FRMPD4: variants seen among roughly 807,000 people sequenced by gnomAD.
FRMPD4 encodes FERM and PDZ domain containing 4, also known as FERM and PDZ domain-containing protein 4.
A neutral mutation model predicts 94.1 loss-of-function variants in FRMPD4; 22 were observed. That is an observed-to-expected ratio of 0.23 (90% CI 0.17 to 0.33). The LOEUF (loss-of-function observed/expected upper bound fraction) is 0.33, where lower values mean the gene tolerates loss of function less well. Among genes scored for constraint, FRMPD4 ranks in the 10% least tolerant of loss-of-function variants. The pLI, the probability that FRMPD4 is intolerant of heterozygous loss-of-function variation, is 1.00. For missense variants in FRMPD4, 1,111 were observed against 1,339.9 expected (o/e 0.83, Z 2.67); for synonymous variants, 631 against 548.6 (o/e 1.15, Z -2.10).
intron 1 of FRMPD4, among the ~76,000 whole-genome samples, chrX:11,828,986 T>A (rs1396392459): frequency 1.8e-5 from 2 of 112,171 alleles, no homozygotes; most frequent in African/African-American, 6.5e-5. Flanking sequence ...TCAGTTGGAA[T>A]CTGAAGGCAG....
intron 3 of FRMPD4, among the ~76,000 whole-genome samples, chrX:12,076,943 C>A (rs2055024340): frequency 8.9e-6 from 1 of 111,923 alleles, no homozygotes; most frequent in Admixed American, 9.4e-5. Context: ...TATTTTAATA[C>A]CATTTCCAAA....
At chrX:11,870,996 T>A (rs1188709854) in intron 2 of FRMPD4, among the ~76,000 whole-genome samples, 1 of 112,425 alleles carries the variant, frequency 8.9e-6, no homozygotes, top group Non-Finnish European at 1.9e-5. Flanking sequence ...CTGTTTGTAT[T>A]CCCTAGGTAC....
At chrX:12,609,622 C>T in intron 2 of FRMPD4, 99 bp from the exon 3 acceptor site, 1 of 756,442 alleles carries the variant, frequency 1.3e-6, no homozygotes. Context: ...CACTCTCTAC[C>T]AAAAAACAGG....
chrX:12,456,584 T>C (rs1353563534), intron 1 of FRMPD4, among the ~76,000 whole-genome samples: 1 of 112,206 alleles, frequency 8.9e-6, no homozygotes, highest in Non-Finnish European at 1.9e-5. Flanking sequence ...AGATACCTTC[T>C]TGAGCTTTAA....
intron 1 of FRMPD4, among the ~76,000 whole-genome samples, chrX:12,424,100 C>T (rs984902323): frequency 2.7e-5 from 3 of 112,268 alleles, no homozygotes; most frequent in Non-Finnish European, 5.6e-5. Context: ...CACAAAAGGA[C>T]CGAAACTTGT....
At chrX:12,706,573 A>G (rs1363978965) in intron 11 of FRMPD4, among the ~76,000 whole-genome samples, 1 of 111,739 alleles carries the variant, frequency 8.9e-6, no homozygotes, top group African/African-American at 3.3e-5. Flanking sequence ...CTGGCCCAGC[A>G]TATCTATACC....
chrX:11,944,986 C>T (rs2054181260), intron 3 of FRMPD4, among the ~76,000 whole-genome samples: 1 of 112,300 alleles, frequency 8.9e-6, no homozygotes, highest in South Asian at 3.7e-4. Context: ...TCAGACATGA[C>T]TGCACGTTGT....
At chrX:12,614,657 G>GT in intron 3 of FRMPD4, 122 bp from the exon 4 acceptor site, 1 of 470,941 alleles carries the variant, frequency 2.1e-6, no homozygotes, top group East Asian at 3.5e-5. Context: ...ACACCCAAGT[G>GT]TGGTTGGGTT....
intron 1 of FRMPD4, among the ~76,000 whole-genome samples, chrX:12,189,015 A>G (rs935833808): frequency 9.0e-6 from 1 of 111,659 alleles, no homozygotes; most frequent in African/African-American, 3.2e-5. Context: ...TGTTCTTTGA[A>G]AAGATCAATA....
chrX:12,388,242 T>C (rs968099366), intron 1 of FRMPD4, among the ~76,000 whole-genome samples: 6 of 112,205 alleles, frequency 5.3e-5, no homozygotes, highest in African/African-American at 1.9e-4. Flanking sequence ...CTTCATTGTA[T>C]ATACTAGATT....
chrX:12,720,032 AAGGAAAGGAAAGGAAAG>A (rs2042196096), intron 16 of FRMPD4, among the ~76,000 whole-genome samples: 1 of 34,710 alleles, frequency 2.9e-5, no homozygotes, highest in Non-Finnish European at 6.3e-5. Context: ...AAGGAAAGGA[AAGGAAAGGAAAGGAAAG>A]GAAAGAAAGA....
At chrX:12,705,751 T>A (rs762128464) in intron 11 of FRMPD4, among the ~76,000 whole-genome samples, 1 of 111,316 alleles carries the variant, frequency 9.0e-6, no homozygotes, top group African/African-American at 3.3e-5. Flanking sequence ...GGCCCACTCG[T>A]AATAATTTGG....
At chrX:12,666,561 G>T (rs1051077397) in intron 4 of FRMPD4, among the ~76,000 whole-genome samples, 1 of 111,921 alleles carries the variant, frequency 8.9e-6, no homozygotes, top group African/African-American at 3.2e-5. Flanking sequence ...GAAAAGAACA[G>T]AAATCATTAC....
chrX:12,129,826 A>G (rs2147548573), intron 3 of FRMPD4, among the ~76,000 whole-genome samples: 1 of 112,052 alleles, frequency 8.9e-6, no homozygotes, highest in Admixed American at 9.4e-5. Context: ...TTCCTGCCCC[A>G]TAGGATTGTT....
intron 1 of FRMPD4, among the ~76,000 whole-genome samples, chrX:12,313,903 A>G (rs1245041994): frequency 8.9e-6 from 1 of 112,246 alleles, no homozygotes. Flanking sequence ...AAGAGTTAAA[A>G]TGTAACTTCT....
chrX:12,625,731 G>T (rs1200606554), intron 4 of FRMPD4, among the ~76,000 whole-genome samples: 1 of 111,472 alleles, frequency 9.0e-6, no homozygotes, highest in African/African-American at 3.3e-5. Context: ...TAGATCAGCA[G>T]AATGACTACA....
intron 1 of FRMPD4, among the ~76,000 whole-genome samples, chrX:12,443,209 C>T (rs1480462111): frequency 9.0e-6 from 1 of 111,611 alleles, no homozygotes; most frequent in Non-Finnish European, 1.9e-5. Flanking sequence ...GAGTTGTACA[C>T]TTCAAGAGAG....
chrX:12,659,144 G>A, intron 4 of FRMPD4, among the ~76,000 whole-genome samples: 1 of 111,859 alleles, frequency 8.9e-6, no homozygotes, highest in African/African-American at 3.2e-5. Flanking sequence ...GTAGCCCCCT[G>A]TGCCCAGGAG....
intron 1 of FRMPD4, among the ~76,000 whole-genome samples, chrX:12,478,249 G>C (rs943681488): frequency 8.9e-6 from 1 of 111,779 alleles, no homozygotes; most frequent in Admixed American, 9.5e-5. Flanking sequence ...GCATTCCAAG[G>C]ACAGGAACTG....
Sources: gnomAD v4.1 joint callset for allele counts (sites outside exome capture counted in the v4.1 genomes callset) on GRCh38, gnomAD v4.1.1 for gene constraint, MANE v1.5 for transcripts, NCBI Gene and HGNC (gene_info 2026-07-23, HGNC 2026-07-21) for gene names.